The following CFAP61 variants were observed in gnomAD, a reference collection of about 807,000 sequenced individuals.
CFAP61 encodes the protein cilia- and flagella-associated protein 61.
CFAP61 carries 107 observed loss-of-function variants against 135.6 expected under a neutral mutation model. The observed-to-expected ratio is 0.79, with a 90% CI of 0.67 to 0.93. The LOEUF is 0.93. Ranked by LOEUF, CFAP61 falls within the 40% of genes least tolerant of loss-of-function variation. CFAP61 has a pLI of 0.00. For synonymous variants in CFAP61, 575 were observed against 578.5 expected (o/e 0.99, Z 0.09); for missense variants, 1,507 against 1,556.2 (o/e 0.97, Z 0.53).
chr20:20,156,329 A>G (rs574395470), intron 9 of CFAP61, among the ~76,000 whole-genome samples: 3 of 152,344 alleles, frequency 2.0e-5, no homozygotes, highest in Admixed American at 2.0e-4. Flanking sequence ...ATAAATATAT[A>G]AAAGACATTT....
At chr20:20,259,007 T>C (rs1289433021) in intron 20 of CFAP61, among the ~76,000 whole-genome samples, 9 of 152,170 alleles carry the variant, frequency 5.9e-5, no homozygotes, top group Admixed American at 5.9e-4. Flanking sequence ...CTCCTTTCCC[T>C]TTCTTGTTGC....
At chr20:20,249,900 T>A (rs1318085145) in intron 19 of CFAP61, among the ~76,000 whole-genome samples, 1 of 152,172 alleles carries the variant, frequency 6.6e-6, no homozygotes, top group Admixed American at 6.5e-5. Flanking sequence ...CTTTCATGGG[T>A]CTCTCACAAA....
chr20:20,102,481 T>G (rs1431995279), intron 8 of CFAP61, among the ~76,000 whole-genome samples: 2 of 152,102 alleles, frequency 1.3e-5, no homozygotes, highest in Admixed American at 6.5e-5. Flanking sequence ...AACACATGTG[T>G]TGTTGTTTTT....
chr20:20,227,002 T>C (rs969559851), intron 17 of CFAP61, among the ~76,000 whole-genome samples: 21 of 152,272 alleles, frequency 1.4e-4, no homozygotes, highest in African/African-American at 5.1e-4. Flanking sequence ...TATCAATATA[T>C]TGTTTGGCTC....
In CFAP61 at chr20:20,219,025, C is replaced by T. The variant is rs182070954; in HGVS notation, c.1933-9224C>T. 1.4e-4 allele frequency among the ~76,000 whole-genome samples: 21 copies of T among 152,282 alleles called. No homozygotes were observed. The East Asian group carries it at 3.9e-3, about 28-fold the overall frequency. ...AGGTTATTTGCTTGAAATATCTGAC[C>T]TTCTGAGAAACCAGGAGAGAGGTGA... On this transcript the variant is annotated intron_variant, in intron 17 of 26. Transcript: ENST00000245957.
chr20:20,264,888 T>C (rs2052578766), intron 21 of CFAP61, among the ~76,000 whole-genome samples: 1 of 152,154 alleles, frequency 6.6e-6, no homozygotes, highest in South Asian at 2.1e-4. Context: ...CAAGACCTTA[T>C]CTTAAAAATT....
chr20:20,098,923 C>G (rs1404997411), intron 8 of CFAP61, 109 bp downstream of exon 8: 2 of 1,001,322 alleles, frequency 2.0e-6, no homozygotes, highest in Non-Finnish European at 1.4e-6. Flanking sequence ...ATTTCCTTCC[C>G]CAGTTCCCCT....
At chr20:20,201,245 T>C (rs1178216276) in intron 17 of CFAP61, among the ~76,000 whole-genome samples, 1 of 152,228 alleles carries the variant, frequency 6.6e-6, no homozygotes, top group Non-Finnish European at 1.5e-5. Context: ...CTTACTCATA[T>C]CTTCATAGAC....
intron 26 of CFAP61, among the ~76,000 whole-genome samples, chr20:20,355,049 C>CAG (rs2059022177): frequency 1.6e-5 from 2 of 126,160 alleles, no homozygotes; most frequent in African/African-American, 6.3e-5. Context: ...GGGAGGTGGT[C>CAG]ACACTGTGAG....
chr20:20,186,730 C>G (rs953288012), intron 13 of CFAP61, among the ~76,000 whole-genome samples: 11 of 152,212 alleles, frequency 7.2e-5, no homozygotes, highest in African/African-American at 2.4e-4. Flanking sequence ...AAATATGATA[C>G]TTTGTTCATA....
chr20:20,230,996 A>G (rs769479244), intron 18 of CFAP61, among the ~76,000 whole-genome samples: 1 of 152,118 alleles, frequency 6.6e-6, no homozygotes, highest in East Asian at 1.9e-4. Context: ...AACAAACACA[A>G]CTTTGTTCTT....
chr20:20,136,711 TAC>T (rs1274729349), intron 8 of CFAP61, among the ~76,000 whole-genome samples: 2 of 152,278 alleles, frequency 1.3e-5, no homozygotes, highest in African/African-American at 4.8e-5. Context: ...TGAAAGGTCC[TAC>T]ATCTCTGTCT....
rs773016892 is a variant in CFAP61, at chr20:20,127,564, A to T, written c.860-15293A>T. Among the ~76,000 whole-genome samples the T allele has an allele frequency of 8.7e-4, 124 of 142,178 alleles. 1 individual carries two copies. The highest frequency in any genetic ancestry group is 1.5e-3 in the Non-Finnish European group (100 of 65,940). The allele number at this position is 142,178 out of a possible 152,430, so 93.3% of individuals were successfully genotyped here. A position where few individuals can be genotyped will look rare whatever the true frequency, so the allele number is the denominator to read the frequency against. On this transcript the variant is annotated intron_variant, in intron 8 of 26. Transcript: ENST00000245957. ...GGGGTTGTCTGGATAGAGTCCTATG[A>T]TGTGAACCATCTGTGGGTCTCTCAG...
At chr20:20,358,321 A>G (rs573053695) in intron 26 of CFAP61, among the ~76,000 whole-genome samples, 1 of 152,106 alleles carries the variant, frequency 6.6e-6, no homozygotes, top group Non-Finnish European at 1.5e-5. Context: ...ATGAGAGGTC[A>G]TCCTTCAAGA....
intron 25 of CFAP61, among the ~76,000 whole-genome samples, chr20:20,306,590 G>GGGA (rs2056489411): frequency 6.6e-6 from 1 of 152,134 alleles, no homozygotes. Flanking sequence ...TAAGAAATGA[G>GGGA]GGAGGAAATT....
intron 13 of CFAP61, among the ~76,000 whole-genome samples, chr20:20,176,690 G>A (rs766479755): frequency 1.3e-4 from 20 of 152,052 alleles, no homozygotes; most frequent in Non-Finnish European, 2.4e-4. Context: ...GGCCGGGAGC[G>A]GGGAACAACA....
intron 2 of CFAP61, among the ~76,000 whole-genome samples, chr20:20,068,093 G>A (rs2045434789): frequency 1.3e-5 from 2 of 152,114 alleles, no homozygotes; most frequent in African/African-American, 4.8e-5. Flanking sequence ...GACCCAACCA[G>A]CATCCTGAGG....
intron 8 of CFAP61, among the ~76,000 whole-genome samples, chr20:20,142,201 C>T (rs1438095480): frequency 6.6e-6 from 1 of 152,134 alleles, no homozygotes; most frequent in Non-Finnish European, 1.5e-5. Flanking sequence ...ATACATGAAG[C>T]CTAAGCTACC....
chr20:20,277,539 G>C (rs17401989), intron 22 of CFAP61, 81 bp downstream of exon 22: 1 of 1,433,114 alleles, frequency 7.0e-7, no homozygotes, highest in African/African-American at 1.4e-5. Context: ...GGAAGATTGC[G>C]GGCAGTGAAT....
Sources: gnomAD v4.1 joint callset for allele counts (sites outside exome capture counted in the v4.1 genomes callset) on GRCh38, gnomAD v4.1.1 for gene constraint, MANE v1.5 for transcripts, NCBI Gene and HGNC (gene_info 2026-07-23, HGNC 2026-07-21) for gene names.